Variants in WDR59 observed in about 807,000 individuals in gnomAD.
WDR59 encodes WD repeat domain 59.
WDR59 carries 100 observed loss-of-function variants against 131.2 expected under a neutral mutation model. The ratio of observed to expected loss-of-function variants is 0.76; its 90% CI spans 0.65 to 0.90. The LOEUF (loss-of-function observed/expected upper bound fraction) is 0.90. WDR59 is among the 40% of genes least tolerant of loss of function. WDR59 has a pLI of 0.00. For synonymous variants in WDR59, 601 were observed against 466.2 expected (o/e 1.29, Z -3.72); for missense variants, 1,203 against 1,262.2 (o/e 0.95, Z 0.71).
chr16:74,914,262 AT>A (rs1555558088), intron 13 of WDR59, among the ~76,000 whole-genome samples: 1 of 152,114 alleles, frequency 6.6e-6, no homozygotes, highest in Non-Finnish European at 1.5e-5. Flanking sequence ...TATCTCAATA[AT>A]TTTTTTAAAG....
chr16:74,935,861 G>T (rs1026576805), intron 8 of WDR59, among the ~76,000 whole-genome samples: 4 of 152,028 alleles, frequency 2.6e-5, no homozygotes, highest in Non-Finnish European at 4.4e-5. Flanking sequence ...GCTGGACATG[G>T]TGGCATGCAC....
At chr16:74,958,733 C>T (rs1391465571) in intron 2 of WDR59, among the ~76,000 whole-genome samples, 1 of 150,946 alleles carries the variant, frequency 6.6e-6, no homozygotes, top group Non-Finnish European at 1.5e-5. Flanking sequence ...GGCTAGAAGA[C>T]AACAAGCAGA....
chr16:74,930,248 C>A (rs1037842505), intron 8 of WDR59, among the ~76,000 whole-genome samples: 3 of 151,948 alleles, frequency 2.0e-5, no homozygotes, highest in African/African-American at 7.3e-5. Context: ...TGATGGACAC[C>A]CAATTTGCCC....
At chr16:74,880,337 C>T (rs552983729) in intron 25 of WDR59, among the ~76,000 whole-genome samples, 1 of 152,146 alleles carries the variant, frequency 6.6e-6, no homozygotes, top group South Asian at 2.1e-4. Flanking sequence ...GTCCCAGTTA[C>T]TCGGGAGGCT....
chr16:74,914,934 G>C (rs1742884677), intron 13 of WDR59, among the ~76,000 whole-genome samples: 1 of 152,170 alleles, frequency 6.6e-6, no homozygotes, highest in South Asian at 2.1e-4. Context: ...TTATGTAACA[G>C]CACATATTTG....
chr16:74,942,280 G>C (rs1024759704), intron 7 of WDR59, among the ~76,000 whole-genome samples: 1 of 152,044 alleles, frequency 6.6e-6, no homozygotes, highest in Non-Finnish European at 1.5e-5. Context: ...ACCCTACCTT[G>C]CTCATCGTTA....
intron 14 of WDR59, 160 bp downstream of exon 14, chr16:74,912,038 A>G: frequency 1.0e-6 from 1 of 955,678 alleles, no homozygotes; most frequent in African/African-American, 1.6e-5. Flanking sequence ...TTTTCTGCAC[A>G]AAGTAAATGG....
intron 7 of WDR59, among the ~76,000 whole-genome samples, chr16:74,939,753 C>T (rs1332405201): frequency 6.6e-6 from 1 of 152,082 alleles, no homozygotes; most frequent in African/African-American, 2.4e-5. Flanking sequence ...TTCTGGGAGG[C>T]CAAGGCAGGA....
intron 8 of WDR59, among the ~76,000 whole-genome samples, chr16:74,936,950 G>A (rs145529578): frequency 6.6e-6 from 1 of 152,152 alleles, no homozygotes; most frequent in Admixed American, 6.6e-5. Flanking sequence ...CAAGACAGGA[G>A]TTAACTTTTA....
intron 5 of WDR59, among the ~76,000 whole-genome samples, chr16:74,949,477 G>A (rs982322300): frequency 6.7e-6 from 1 of 149,498 alleles, no homozygotes; most frequent in Non-Finnish European, 1.5e-5. Flanking sequence ...AGGGAGGGAG[G>A]ACAGACTCTA....
In WDR59 at chr16:74,984,845, A is replaced by T. The variant is rs1021332549; in HGVS notation, c.54+119T>A. The stretch of plus-strand genomic sequence containing the variant: ...CTAAGAGGTCGGCTAAGCCCCGCCC[A>T]CCTCCTCAGTACGGGGCCTAGGGTC... On this transcript the variant is annotated intron_variant, in intron 1 of 25. Coordinates refer to ENST00000262144, the MANE Select transcript of WDR59 (RefSeq NM_030581.4). 4 of 1,434,824 alleles carry T rather than the reference A, an allele frequency of 2.8e-6. No homozygotes were observed. In the African/African-American group the frequency reaches 5.7e-5, roughly 20 times the overall value. The allele number at this position is 1,434,824 out of a possible 1,614,324, so 88.9% of individuals were successfully genotyped here.
At chr16:74,886,514 G>A in intron 23 of WDR59, 118 bp from the exon 24 acceptor site, 1 of 1,343,942 alleles carries the variant, frequency 7.4e-7, no homozygotes. Context: ...GTTAAGCGAG[G>A]CTGAATATTC....
chr16:74,910,617 G>A (rs1966039426), intron 14 of WDR59, among the ~76,000 whole-genome samples: 2 of 152,180 alleles, frequency 1.3e-5, no homozygotes, highest in South Asian at 2.1e-4. Flanking sequence ...CAAGAGGCAT[G>A]GATTTCACTT....
intron 8 of WDR59, among the ~76,000 whole-genome samples, chr16:74,932,164 G>A (rs1206969399): frequency 1.7e-4 from 26 of 151,564 alleles, no homozygotes; most frequent in Admixed American, 1.6e-3. Flanking sequence ...TCTGATCACA[G>A]CTCATTGCAG....
intron 10 of WDR59, among the ~76,000 whole-genome samples, 183 bp from the exon 11 acceptor site, chr16:74,918,191 G>C (rs1032404363): frequency 2.6e-5 from 4 of 152,162 alleles, no homozygotes; most frequent in Non-Finnish European, 4.4e-5. Context: ...TATCTTTATA[G>C]ATCTCGCATT....
intron 1 of WDR59, among the ~76,000 whole-genome samples, chr16:74,976,039 G>A (rs1401055703): frequency 6.6e-6 from 1 of 152,174 alleles, no homozygotes; most frequent in South Asian, 2.1e-4. Flanking sequence ...ATATTTCACA[G>A]TATACATATT....
At chr16:74,912,450 C>T (rs1966147868) in intron 13 of WDR59, 88 bp from the exon 14 acceptor site, 3 of 1,358,718 alleles carry the variant, frequency 2.2e-6, no homozygotes, top group African/African-American at 2.9e-5. Flanking sequence ...CTCCATGTTC[C>T]TGGTAATTGA....
intron 25 of WDR59, 81 bp from the exon 26 acceptor site, chr16:74,874,525 AAGGAAGT>A: frequency 8.1e-7 from 1 of 1,237,344 alleles, no homozygotes; most frequent in Non-Finnish European, 1.2e-6. Context: ...TGCCAGGAAG[AAGGAAGT>A]CTTCCTCTCA....
At chr16:74,900,237 T>C (rs987264516) in intron 18 of WDR59, among the ~76,000 whole-genome samples, 3 of 151,964 alleles carry the variant, frequency 2.0e-5, no homozygotes, top group African/African-American at 7.3e-5. Context: ...GGTAAGTGTT[T>C]GGGGGGTGAT....
Sources: gnomAD v4.1 joint callset for allele counts (sites outside exome capture counted in the v4.1 genomes callset) on GRCh38, gnomAD v4.1.1 for gene constraint, MANE v1.5 for transcripts, NCBI Gene and HGNC (gene_info 2026-07-23, HGNC 2026-07-21) for gene names.